Variants in NCKAP5 observed in about 807,000 individuals in gnomAD.
NCKAP5 encodes NCK associated protein 5, also known as nck-associated protein 5.
In NCKAP5, 92 loss-of-function variants were observed where a neutral mutation model predicts 167.0. The ratio of observed to expected loss-of-function variants is 0.55; its 90% confidence interval spans 0.47 to 0.66. The LOEUF is 0.66. NCKAP5 is among the 30% of genes least tolerant of loss of function. NCKAP5 has a pLI of 0.00. For synonymous variants in NCKAP5, 891 were observed against 877.4 expected (o/e 1.02, Z -0.27); for missense variants, 2,378 against 2,315.0 (o/e 1.03, Z -0.56).
chr2:132,755,714 A>G (rs1415130114), intron 16 of NCKAP5, among the ~76,000 whole-genome samples: 1 of 151,824 alleles, frequency 6.6e-6, no homozygotes, highest in Non-Finnish European at 1.5e-5. Flanking sequence ...CTGTAATCCC[A>G]GCTACTCAGG....
intron 8 of NCKAP5, among the ~76,000 whole-genome samples, chr2:132,960,728 A>C (rs2076485804): frequency 6.6e-6 from 1 of 152,198 alleles, no homozygotes; most frequent in African/African-American, 2.4e-5. Flanking sequence ...GGGGCTCCTC[A>C]AGTTGTTTTT....
At chr2:132,802,321 T>C (rs1182639565) in intron 11 of NCKAP5, among the ~76,000 whole-genome samples, 1 of 152,248 alleles carries the variant, frequency 6.6e-6, no homozygotes, top group Non-Finnish European at 1.5e-5. Flanking sequence ...GATGTTGGGC[T>C]GATTTCTCAG....
intron 8 of NCKAP5, among the ~76,000 whole-genome samples, chr2:132,912,905 A>AT (rs146714430): frequency 0.012 from 1,882 of 152,148 alleles, 51 homozygotes; most frequent in African/African-American, 0.043. Flanking sequence ...ATGATATAGA[A>AT]TTTTTTTCTA....
chr2:133,330,897 A>T lies in NCKAP5; in HGVS notation c.70-27787T>A, dbSNP rs540365046. Among the ~76,000 whole-genome samples the T allele has an allele frequency of 2.0e-5, 3 of 152,090 alleles. No homozygotes were observed. In the East Asian group the frequency reaches 5.8e-4, roughly 29 times the overall value. ...GGGCTACAGAGGGAGACCCTGTATTAAAAAAAAGAAGAAAGTATTAAGCAT... is the reference window on the plus strand; with the variant it reads ...GGGCTACAGAGGGAGACCCTGTATTTAAAAAAAGAAGAAAGTATTAAGCAT... On this transcript the variant is annotated intron_variant, in intron 3 of 19. Transcript: ENST00000409261.
chr2:133,418,108 C>G (rs1162085745), intron 3 of NCKAP5, among the ~76,000 whole-genome samples: 1 of 152,174 alleles, frequency 6.6e-6, no homozygotes, highest in Non-Finnish European at 1.5e-5. Flanking sequence ...TGATTTAAGC[C>G]TTTGCAAACT....
intron 11 of NCKAP5, among the ~76,000 whole-genome samples, chr2:132,807,945 G>C (rs1166845017): frequency 6.6e-6 from 1 of 151,918 alleles, no homozygotes; most frequent in Non-Finnish European, 1.5e-5. Flanking sequence ...TGCTGATTTT[G>C]CTAAGAGTTT....
intron 3 of NCKAP5, among the ~76,000 whole-genome samples, chr2:133,511,420 A>G (rs912897450): frequency 6.6e-6 from 1 of 152,154 alleles, no homozygotes; most frequent in African/African-American, 2.4e-5. Flanking sequence ...CCTCTCCTGC[A>G]TTTCTGTACC....
Position 133,224,329 on chromosome 2 carries a change from C to T in NCKAP5, c.144-10550G>A, listed in dbSNP as rs117460915. ...CACAAACATATCCTTAATAAATGAACGATCATGCTTCAGAACAAAGATGGT... is the reference window on the plus strand; with the variant it reads ...CACAAACATATCCTTAATAAATGAATGATCATGCTTCAGAACAAAGATGGT... On this transcript the variant is annotated intron_variant, in intron 4 of 19. Coordinates refer to ENST00000409261, the MANE Select transcript of NCKAP5 (RefSeq NM_207363.3). Among the ~76,000 whole-genome samples, 1,064 of 152,240 alleles carry T rather than the reference C, an allele frequency of 7.0e-3. 39 individuals are homozygous for T. The highest frequency in any genetic ancestry group is 0.059 in the Admixed American group (908 of 15,286).
the NCKAP5 span, among the ~76,000 whole-genome samples, chr2:133,614,673 T>A: frequency 2.0e-5 from 3 of 152,208 alleles, no homozygotes; most frequent in Admixed American, 6.5e-5. Flanking sequence ...CTACGTCTGA[T>A]TGGTATACCT....
chr2:133,308,861 C>T (rs1681016622), intron 3 of NCKAP5, among the ~76,000 whole-genome samples: 1 of 149,538 alleles, frequency 6.7e-6, no homozygotes, highest in Admixed American at 6.7e-5. Flanking sequence ...CAGGCGCCCG[C>T]CACCGCGCCC....
chr2:133,125,219 C>CTT (rs777940751), intron 6 of NCKAP5, among the ~76,000 whole-genome samples: 53 of 142,772 alleles, frequency 3.7e-4, no homozygotes, highest in Non-Finnish European at 7.3e-4. Context: ...ATTACTCTAC[C>CTT]TTTTTTTTTT....
intron 6 of NCKAP5, among the ~76,000 whole-genome samples, chr2:132,994,925 TA>T (rs1319381032): frequency 4.6e-5 from 7 of 152,168 alleles, no homozygotes. Context: ...AGAAAAATTA[TA>T]AAACAATAAT....
At chr2:133,057,003 C>T (rs889564674) in intron 6 of NCKAP5, among the ~76,000 whole-genome samples, 12 of 152,098 alleles carry the variant, frequency 7.9e-5, no homozygotes, top group African/African-American at 2.4e-4. Flanking sequence ...TTTGGTCATT[C>T]GTGCAATATT....
At chr2:133,417,684 A>G (rs1200695442) in intron 3 of NCKAP5, among the ~76,000 whole-genome samples, 2 of 152,182 alleles carry the variant, frequency 1.3e-5, no homozygotes, top group African/African-American at 2.4e-5. Context: ...GGAGAACCAC[A>G]GTGTAGATCA....
At chr2:133,498,043 T>C (rs1249072565) in intron 3 of NCKAP5, among the ~76,000 whole-genome samples, 6 of 152,224 alleles carry the variant, frequency 3.9e-5, no homozygotes, top group Non-Finnish European at 5.9e-5. Context: ...TCTGATCTTG[T>C]AGCTTCTCAT....
the NCKAP5 span, among the ~76,000 whole-genome samples, chr2:133,671,960 C>T: frequency 3.9e-5 from 6 of 152,152 alleles, no homozygotes; most frequent in South Asian, 1.2e-3. Flanking sequence ...ACAGATGGTG[C>T]TGTTACTGAA....
At chr2:133,196,171 G>T (rs544396567) in intron 5 of NCKAP5, among the ~76,000 whole-genome samples, 1 of 152,288 alleles carries the variant, frequency 6.6e-6, no homozygotes, top group East Asian at 1.9e-4. Context: ...CCAATGTTTT[G>T]CCATGGACCT....
intron 19 of NCKAP5, among the ~76,000 whole-genome samples, chr2:132,694,990 G>A (rs1687169961): frequency 6.6e-6 from 1 of 152,148 alleles, no homozygotes; most frequent in Admixed American, 6.5e-5. Context: ...TCTGGTGAGG[G>A]CTTCTGGGGT....
chr2:133,052,720 A>C (rs1051714750), intron 6 of NCKAP5, among the ~76,000 whole-genome samples: 7 of 144,832 alleles, frequency 4.8e-5, no homozygotes, highest in East Asian at 2.0e-4. Context: ...CTCTGTCACA[A>C]AAAAAAAAAA....
Sources: gnomAD v4.1 joint callset for allele counts (sites outside exome capture counted in the v4.1 genomes callset) on GRCh38, gnomAD v4.1.1 for gene constraint, MANE v1.5 for transcripts, NCBI Gene and HGNC (gene_info 2026-07-23, HGNC 2026-07-21) for gene names.